Variants in NFATC2 observed in about 807,000 individuals in gnomAD.
NFATC2 encodes the protein nuclear factor of activated T-cells, cytoplasmic 2.
A neutral mutation model predicts 87.3 loss-of-function variants in NFATC2; 22 were observed. The ratio of observed to expected loss-of-function variants is 0.25; its 90% CI spans 0.18 to 0.36. The LOEUF (loss-of-function observed/expected upper bound fraction) is 0.36, where lower values mean the gene tolerates loss of function less well. Among genes scored for constraint, NFATC2 ranks in the 10% least tolerant of loss-of-function variants. The probability of loss-of-function intolerance (pLI) is 1.00; values close to 1 mark genes in which losing one functional copy is unlikely to be tolerated. For missense variants in NFATC2, 1,149 were observed against 1,259.1 expected, an observed-to-expected ratio of 0.91 and a Z score of 1.32; for synonymous variants, 565 against 542.2, an observed-to-expected ratio of 1.04 and a Z score of -0.58.
At position 51,470,982 on chromosome 20, in the gene NFATC2, T is replaced by A. The variant is rs1202046608; in HGVS notation, c.1708+2998A>T. ...CCAGAAAGTTGAAGACTGGCTTTCC[T>A]ACCTACCAAGTAAAAACAGGTGAAT... On this transcript the variant is annotated intron_variant, in intron 5 of 10. Coordinates refer to ENST00000371564, the MANE Select transcript of NFATC2 (RefSeq NM_012340.5). Among the ~76,000 whole-genome samples, 3 of 152,336 alleles carry A rather than the reference T, an allele frequency of 2.0e-5. No individual in the cohort carries two copies. The South Asian group carries it at 6.2e-4, about 32-fold the overall frequency.
intron 9 of NFATC2, among the ~76,000 whole-genome samples, chr20:51,414,992 G>A (rs1047878761): frequency 6.6e-6 from 1 of 152,040 alleles, no homozygotes; most frequent in African/African-American, 2.4e-5. Context: ...GCTAATGCCT[G>A]TAATCCCAGC....
intron 9 of NFATC2, among the ~76,000 whole-genome samples, chr20:51,421,308 G>C (rs760984445): frequency 2.0e-5 from 3 of 152,108 alleles, no homozygotes; most frequent in Non-Finnish European, 4.4e-5. Context: ...ATCTTCCCCA[G>C]CCACAAGGAG....
chr20:51,546,512 C>A (rs549951338), upstream of NFATC2, among the ~76,000 whole-genome samples: 2 of 152,272 alleles, frequency 1.3e-5, no homozygotes, highest in East Asian at 3.9e-4. Context: ...CACAGGGCAT[C>A]GCTGTCAACT....
chr20:51,483,071 G>A (rs939521426), intron 3 of NFATC2, among the ~76,000 whole-genome samples: 28 of 152,122 alleles, frequency 1.8e-4, no homozygotes, highest in Admixed American at 1.6e-3. Flanking sequence ...CTCTCTTCCC[G>A]CAACCCAGCC....
chr20:51,462,199 C>T (rs959873621), intron 5 of NFATC2, among the ~76,000 whole-genome samples: 1 of 151,420 alleles, frequency 6.6e-6, no homozygotes, highest in South Asian at 2.1e-4. Context: ...CTTTGGGAGG[C>T]TGAGGCTGGC....
upstream of NFATC2, among the ~76,000 whole-genome samples, chr20:51,546,498 T>C (rs983075173): frequency 1.3e-5 from 2 of 152,166 alleles, no homozygotes; most frequent in African/African-American, 4.8e-5. Flanking sequence ...GGGATGGTGA[T>C]CTTCACAGGG....
At position 51,538,306 on chromosome 20, in the gene NFATC2, C is replaced by T. The variant is rs188259197; in HGVS notation, c.130+4064G>A. Among the ~76,000 whole-genome samples the T allele has an allele frequency of 1.1e-4, 16 of 151,796 alleles. No homozygotes were observed. The East Asian group carries it at 1.7e-3, about 17-fold the overall frequency. Reference sequence around the variant, plus strand: ...GTATGCCAACACATTAATAGGTCTACGAAGAATAAGATCATATTTTTCCAT... The same window carrying T: ...GTATGCCAACACATTAATAGGTCTATGAAGAATAAGATCATATTTTTCCAT... On this transcript the variant is annotated intron_variant, in intron 1 of 10. Transcript: ENST00000371564.
At chr20:51,542,745 GAGGC>G, upstream of NFATC2, 2 of 791,764 alleles carry the variant, frequency 2.5e-6, no homozygotes, top group African/African-American at 5.8e-5. Flanking sequence ...GCAGCCCGGG[GAGGC>G]GGGGGGGGGG....
At chr20:51,391,524 T>C (rs1375139250) in intron 10 of NFATC2, 73 bp from the exon 11 acceptor site, 1 of 1,482,190 alleles carries the variant, frequency 6.7e-7, no homozygotes, top group Non-Finnish European at 9.3e-7. Context: ...ATGCATCAGG[T>C]TCACTTTCTA....
chr20:51,555,267 A>G (rs1462288989), intron 1 of NFATC2, among the ~76,000 whole-genome samples: 1 of 152,128 alleles, frequency 6.6e-6, no homozygotes, highest in East Asian at 1.9e-4. Context: ...GGGGCTCCTG[A>G]TTACCCCAGG....
chr20:51,402,487 AAAAG>A (rs1988153194), intron 9 of NFATC2, among the ~76,000 whole-genome samples: 1 of 151,846 alleles, frequency 6.6e-6, no homozygotes, highest in Non-Finnish European at 1.5e-5. Context: ...TGGAAAAAAA[AAAAG>A]GCAAAAGAAA....
At chr20:51,420,668 A>C (rs1980753411) in intron 9 of NFATC2, among the ~76,000 whole-genome samples, 2 of 152,208 alleles carry the variant, frequency 1.3e-5, no homozygotes, top group African/African-American at 4.8e-5. Context: ...ATCTGCTTGC[A>C]ACGCTTGGTC....
chr20:51,474,907 C>A (rs889306228), intron 4 of NFATC2, among the ~76,000 whole-genome samples: 4 of 151,848 alleles, frequency 2.6e-5, no homozygotes, highest in Non-Finnish European at 5.9e-5. Flanking sequence ...TGCAACATAA[C>A]ACAAATATTC....
intron 9 of NFATC2, among the ~76,000 whole-genome samples, chr20:51,411,730 G>A (rs948978142): frequency 1.3e-5 from 2 of 151,994 alleles, no homozygotes; most frequent in African/African-American, 2.4e-5. Flanking sequence ...GTTTCAACAT[G>A]TTGGCCAGCC....
At chr20:51,560,585 A>G (rs2077012715) in intron 1 of NFATC2, among the ~76,000 whole-genome samples, 1 of 152,206 alleles carries the variant, frequency 6.6e-6, no homozygotes, top group Non-Finnish European at 1.5e-5. Flanking sequence ...ACCACCGTGC[A>G]GGGCATAGTG....
intron 3 of NFATC2, among the ~76,000 whole-genome samples, chr20:51,501,871 C>T (rs62229846): frequency 0.079 from 11,970 of 152,222 alleles, 616 homozygotes; most frequent in African/African-American, 0.15. Flanking sequence ...CTGCAGGCCA[C>T]ACATACAGTC....
intron 6 of NFATC2, among the ~76,000 whole-genome samples, chr20:51,438,313 A>C (rs1175886919): frequency 6.6e-6 from 1 of 152,198 alleles, no homozygotes; most frequent in Non-Finnish European, 1.5e-5. Context: ...TAAGAAATGA[A>C]CAGCGGAAAT....
chr20:51,561,565 T>C (rs1220274730), intron 1 of NFATC2, among the ~76,000 whole-genome samples: 2 of 144,816 alleles, frequency 1.4e-5, no homozygotes, highest in Non-Finnish European at 3.0e-5. Flanking sequence ...AATTGTCATT[T>C]CTTCCCCCCC....
rs1190770883 is a variant in NFATC2 at position 51,387,034 on chromosome 20, A to C, written c.*4462T>G. On this transcript the variant is annotated 3_prime_UTR_variant, in exon 11 of 11. Coordinates refer to ENST00000371564, the MANE Select transcript of NFATC2 (RefSeq NM_012340.5). The stretch of plus-strand genomic sequence containing the variant: ...TAAAAATACTTTACATATAGGAAAA[A>C]TAAACTACATTAAACTGGAGATTAA... The C allele has an allele frequency of 6.6e-6, 1 of 152,260 alleles. No homozygotes were observed. Among genetic ancestry groups the C allele is most frequent in the Non-Finnish European group, 1.5e-5 (1 of 68,040 alleles). The allele number at this position is 152,260 out of a possible 1,614,324, so 9.4% of individuals were successfully genotyped here. A position where few individuals can be genotyped will look rare whatever the true frequency, so the allele number is the denominator to read the frequency against.
Sources: allele counts gnomAD v4.1 joint callset (sites outside exome capture counted in the v4.1 genomes callset), GRCh38; gene constraint gnomAD v4.1.1; transcripts MANE v1.5; gene names NCBI Gene and HGNC (gene_info 2026-07-23, HGNC 2026-07-21).